Variants in WWC1 observed in about 807,000 individuals in gnomAD.
WWC1 encodes the protein protein KIBRA.
Under a neutral mutation model 138.4 loss-of-function variants are expected in WWC1, and 55 were observed. That is an observed-to-expected ratio of 0.40 (90% confidence interval 0.32 to 0.50). The LOEUF is 0.50. Among genes scored for constraint, WWC1 ranks in the 20% least tolerant of loss-of-function variants. WWC1 has a pLI of 0.72. For synonymous variants in WWC1, 524 were observed against 564.9 expected (o/e 0.93, Z 1.03); for missense variants, 1,226 against 1,420.4 (o/e 0.86, Z 2.20).
intron 15 of WWC1, among the ~76,000 whole-genome samples, chr5:168,441,301 A>G (rs559617816): frequency 2.2e-4 from 33 of 152,224 alleles, no homozygotes; most frequent in Non-Finnish European, 3.4e-4. Flanking sequence ...GTAAGTGTAG[A>G]GTTTCAGATT....
intron 15 of WWC1, among the ~76,000 whole-genome samples, chr5:168,432,239 A>C (rs761904531): frequency 4.3e-4 from 65 of 152,112 alleles, no homozygotes; most frequent in Admixed American, 2.0e-3. Flanking sequence ...CTTTATAAGG[A>C]TTGAGATAGC....
chr5:168,368,717 A>C (rs1218295400), intron 1 of WWC1, among the ~76,000 whole-genome samples: 1 of 152,182 alleles, frequency 6.6e-6, no homozygotes, highest in Non-Finnish European at 1.5e-5. Flanking sequence ...GTGATGTTAG[A>C]TGAGGCTTTG....
intron 16 of WWC1, 53 bp from the exon 17 acceptor site, chr5:168,444,441 G>T: frequency 6.6e-7 from 1 of 1,511,878 alleles, no homozygotes. Flanking sequence ...TTCCTGGCAG[G>T]TAGGGTGGCA....
intron 1 of WWC1, among the ~76,000 whole-genome samples, chr5:168,359,743 A>G (rs906539478): frequency 2.0e-5 from 3 of 152,216 alleles, no homozygotes; most frequent in Non-Finnish European, 4.4e-5. Context: ...ACAAAGGAAT[A>G]TATGAGAAAA....
At chr5:168,328,726 G>A (rs535075383) in intron 1 of WWC1, among the ~76,000 whole-genome samples, 72 of 152,112 alleles carry the variant, frequency 4.7e-4, no homozygotes, top group African/African-American at 1.7e-3. Context: ...TAGTAGAGAC[G>A]GGGTTTCACC....
intron 1 of WWC1, among the ~76,000 whole-genome samples, chr5:168,351,702 G>A (rs759079034): frequency 2.0e-5 from 3 of 152,194 alleles, no homozygotes; most frequent in Non-Finnish European, 4.4e-5. Context: ...GGGCAGCCCA[G>A]GCAAAGAGGA....
At chr5:168,296,477 A>G (rs921714925) in intron 1 of WWC1, among the ~76,000 whole-genome samples, 1 of 152,226 alleles carries the variant, frequency 6.6e-6, no homozygotes, top group African/African-American at 2.4e-5. Context: ...ATAAAGGTTC[A>G]GAACTCTTCC....
chr5:168,438,056 C>T (rs949878801), intron 15 of WWC1, among the ~76,000 whole-genome samples: 1 of 152,052 alleles, frequency 6.6e-6, no homozygotes, highest in Admixed American at 6.5e-5. Context: ...TACCTCTGAT[C>T]CTCCCAATAG....
intron 1 of WWC1, among the ~76,000 whole-genome samples, chr5:168,350,722 G>A (rs756073901): frequency 1.3e-5 from 2 of 152,190 alleles, no homozygotes; most frequent in Admixed American, 6.5e-5. Flanking sequence ...GCTCAACTAT[G>A]TGCTTAATAA....
chr5:168,299,499 A>G (rs1769867573), intron 1 of WWC1, among the ~76,000 whole-genome samples: 1 of 152,208 alleles, frequency 6.6e-6, no homozygotes, highest in Non-Finnish European at 1.5e-5. Flanking sequence ...AGGAGTTCAC[A>G]GTCCTTTCCA....
intron 1 of WWC1, among the ~76,000 whole-genome samples, chr5:168,348,654 G>A (rs943501608): frequency 6.6e-6 from 1 of 152,270 alleles, no homozygotes; most frequent in East Asian, 1.9e-4. Flanking sequence ...GGTGCCATCC[G>A]GAAAAGATCA....
chr5:168,356,677 C>A (rs1207697154), intron 1 of WWC1, among the ~76,000 whole-genome samples: 3 of 152,202 alleles, frequency 2.0e-5, no homozygotes, highest in Non-Finnish European at 2.9e-5. Flanking sequence ...AATGCACATG[C>A]CAGAGAGAGC....
intron 5 of WWC1, among the ~76,000 whole-genome samples, chr5:168,400,793 CA>C (rs1215457157): frequency 7.5e-6 from 1 of 132,956 alleles, no homozygotes; most frequent in East Asian, 2.3e-4. Flanking sequence ...GTCTGAGTGG[CA>C]AAGTGAGACC....
At chr5:168,447,564 AAT>A (rs766080525) in intron 17 of WWC1, among the ~76,000 whole-genome samples, 23 of 152,256 alleles carry the variant, frequency 1.5e-4, no homozygotes, top group Non-Finnish European at 3.2e-4. Flanking sequence ...GCCATTTTAA[AAT>A]ATAAAAACCA....
intron 15 of WWC1, 30 bp downstream of exon 15, chr5:168,431,474 CTGGCT>C: frequency 2.0e-6 from 3 of 1,516,880 alleles, no homozygotes; most frequent in East Asian, 4.6e-5. Flanking sequence ...GGCTGGCTGG[CTGGCT>C]GGCTGGCTGG....
At chr5:168,394,184 A>G (rs1446489481) in intron 3 of WWC1, among the ~76,000 whole-genome samples, 1 of 152,168 alleles carries the variant, frequency 6.6e-6, no homozygotes, top group African/African-American at 2.4e-5. Context: ...GAAAACAGAA[A>G]AGATCAAGAA....
chr5:168,312,574 G>T (rs981366122), intron 1 of WWC1, among the ~76,000 whole-genome samples: 3 of 152,230 alleles, frequency 2.0e-5, no homozygotes, highest in African/African-American at 7.2e-5. Context: ...AATGTTAATG[G>T]TTATTACAGT....
At chr5:168,345,136 A>C (rs1774363277) in intron 1 of WWC1, among the ~76,000 whole-genome samples, 1 of 151,748 alleles carries the variant, frequency 6.6e-6, no homozygotes, top group Non-Finnish European at 1.5e-5. Context: ...TTAGAGGTTC[A>C]CTCTGTTGCC....
chr5:168,375,334 A>T (rs1777080608), intron 2 of WWC1, among the ~76,000 whole-genome samples: 1 of 152,112 alleles, frequency 6.6e-6, no homozygotes, highest in African/African-American at 2.4e-5. Context: ...GTTGGAAGCC[A>T]CGTGAAGGAA....
Sources: gnomAD v4.1 joint callset for allele counts (sites outside exome capture counted in the v4.1 genomes callset) on GRCh38, gnomAD v4.1.1 for gene constraint, MANE v1.5 for transcripts, NCBI Gene and HGNC (gene_info 2026-07-23, HGNC 2026-07-21) for gene names.